SCAF8: variants seen among roughly 807,000 people sequenced by gnomAD.
SCAF8 encodes the protein SR-related and CTD-associated factor 8.
A neutral mutation model predicts 140.5 loss-of-function variants in SCAF8; 23 were observed. That is an observed-to-expected ratio of 0.16 (90% CI 0.12 to 0.23). The LOEUF is 0.23. SCAF8 is among the 10% of genes least tolerant of loss of function. The probability of loss-of-function intolerance (pLI) is 1.00; values close to 1 mark genes in which losing one functional copy is unlikely to be tolerated. For missense variants in SCAF8, 1,397 were observed against 1,555.7 expected (o/e 0.90, Z 1.72); for synonymous variants, 575 against 528.9 (o/e 1.09, Z -1.20).
rs571720419 is a variant in SCAF8, at chr6:154,789,032, A to G, written c.321+1010A>G. ...CCTTTATATTGAGTATAACAAGATTAAGTAGTTATTTTTCATAACTATTAT... is the reference window on the plus strand; with the variant it reads ...CCTTTATATTGAGTATAACAAGATTGAGTAGTTATTTTTCATAACTATTAT... On this transcript the variant is annotated intron_variant, in intron 4 of 19. Coordinates refer to ENST00000367178, the MANE Select transcript of SCAF8 (RefSeq NM_014892.5). Among the ~76,000 whole-genome samples the G allele has an allele frequency of 3.9e-5, 6 of 152,204 alleles. 1 individual carries two copies. The highest frequency in any genetic ancestry group is 1.3e-4 in the Admixed American group (2 of 15,270).
chr6:154,733,652 G>A lies in SCAF8; in HGVS notation c.-249G>A. On this transcript the variant is annotated 5_prime_UTR_variant, in exon 1 of 20. Coordinates refer to ENST00000367178, the MANE Select transcript of SCAF8 (RefSeq NM_014892.5). ...CCCCCGCCCGCCGCCGACCCGCCCC[G>A]GCAGCGCCTCTGTTCCCTAGAACGG... 6.1e-6 allele frequency: 4 copies of A among 654,156 alleles called. No homozygotes were observed. The highest frequency in any genetic ancestry group is 7.7e-6 in the Non-Finnish European group (4 of 522,372). The allele number at this position is 654,156 out of a possible 1,614,324, so 40.5% of individuals were successfully genotyped here. A position where few individuals can be genotyped will look rare whatever the true frequency, so the allele number is the denominator to read the frequency against.
intron 16 of SCAF8, among the ~76,000 whole-genome samples, chr6:154,823,312 A>C (rs2114679897): frequency 6.6e-6 from 1 of 152,316 alleles, no homozygotes; most frequent in Middle Eastern, 3.4e-3. Flanking sequence ...GTTTTAAAGG[A>C]TTGCACTGGT....
chr6:154,796,091 A>T (rs1583043167), intron 6 of SCAF8, among the ~76,000 whole-genome samples: 1 of 152,092 alleles, frequency 6.6e-6, no homozygotes, highest in Non-Finnish European at 1.5e-5. Flanking sequence ...AATGTATTGC[A>T]CTAAGTTATG....
At chr6:154,782,531 T>C (rs1777114958) in intron 3 of SCAF8, among the ~76,000 whole-genome samples, 1 of 152,174 alleles carries the variant, frequency 6.6e-6, no homozygotes, top group South Asian at 2.1e-4. Flanking sequence ...CTTGTTATGA[T>C]CCTGTGTCAG....
intron 1 of SCAF8, among the ~76,000 whole-genome samples, chr6:154,762,183 A>C (rs143820110): frequency 1.3e-5 from 2 of 152,354 alleles, no homozygotes; most frequent in East Asian, 3.9e-4. Flanking sequence ...TTGTGGCTAA[A>C]AACAGCATGT....
intron 10 of SCAF8, 61 bp from the exon 11 acceptor site, chr6:154,808,625 C>G (rs1405902883): frequency 1.9e-6 from 2 of 1,037,632 alleles, no homozygotes; most frequent in African/African-American, 3.5e-5. Flanking sequence ...ACAGAATTGT[C>G]AATGTATAAC....
chr6:154,803,895 A>T (rs566980295), intron 8 of SCAF8, among the ~76,000 whole-genome samples: 3 of 152,278 alleles, frequency 2.0e-5, no homozygotes, highest in African/African-American at 7.2e-5. Context: ...ATTAGGCTTT[A>T]AGTTATTTAA....
intron 18 of SCAF8, among the ~76,000 whole-genome samples, chr6:154,830,383 A>G (rs1243914363): frequency 2.0e-5 from 3 of 152,188 alleles, no homozygotes; most frequent in Admixed American, 6.5e-5. Context: ...ATGTGTGACA[A>G]ATGCACTTAG....
At chr6:154,771,892 A>G (rs1043445152) in intron 1 of SCAF8, among the ~76,000 whole-genome samples, 12 of 152,106 alleles carry the variant, frequency 7.9e-5, no homozygotes, top group East Asian at 1.9e-4. Flanking sequence ...GTTGGGGGGG[A>G]AAAAAAGAAA....
chr6:154,770,060 G>T (rs994475351), intron 1 of SCAF8, among the ~76,000 whole-genome samples: 4 of 152,136 alleles, frequency 2.6e-5, no homozygotes, highest in Non-Finnish European at 5.9e-5. Context: ...AAAGCAGGTA[G>T]GAATAAAGGG....
chr6:154,758,335 C>G (rs553002933), intron 1 of SCAF8, among the ~76,000 whole-genome samples: 2 of 152,302 alleles, frequency 1.3e-5, no homozygotes, highest in South Asian at 4.1e-4. Context: ...GATGCGAGTT[C>G]TGTCTTGCCT....
At position 154,733,837 on chromosome 6, in the gene SCAF8, C is replaced by T. The variant is rs1008835953; in HGVS notation, c.-64C>T. On this transcript the variant is annotated 5_prime_UTR_variant, in exon 1 of 20. Transcript: ENST00000367178. ...CACGCAGCAGCCCGCGTCTCGCTCT[C>T]CCCACCCAGTGCAGTGGCCGCCGCC... The T allele has an allele frequency of 2.0e-6, 3 of 1,525,364 alleles. No homozygotes were observed. Among genetic ancestry groups the T allele is most frequent in the Non-Finnish European group, 2.6e-6 (3 of 1,142,420 alleles). The allele number at this position is 1,525,364 out of a possible 1,614,324, so 94.5% of individuals were successfully genotyped here. A position where few individuals can be genotyped will look rare whatever the true frequency, so the allele number is the denominator to read the frequency against.
At chr6:154,825,655 C>CA (rs34342159) in intron 17 of SCAF8, among the ~76,000 whole-genome samples, 5,618 of 63,988 alleles carry the variant, frequency 0.088, 744 homozygotes, top group African/African-American at 0.22. Flanking sequence ...GACCTTGTCT[C>CA]AAAAAAAAAA....
intron 1 of SCAF8, among the ~76,000 whole-genome samples, chr6:154,756,914 G>A (rs538528848): frequency 1.3e-3 from 204 of 152,196 alleles, no homozygotes; most frequent in Non-Finnish European, 2.0e-3. Context: ...TGTAGTCCCA[G>A]CTACTCGGGA....
chr6:154,782,299 C>T (rs553647060), intron 3 of SCAF8, among the ~76,000 whole-genome samples: 2 of 152,184 alleles, frequency 1.3e-5, no homozygotes, highest in East Asian at 3.9e-4. Flanking sequence ...TTCCCAGCTG[C>T]TTATGTGGGT....
intron 7 of SCAF8, among the ~76,000 whole-genome samples, chr6:154,803,176 A>T (rs1777819004): frequency 2.0e-5 from 3 of 152,186 alleles, no homozygotes. Flanking sequence ...GAAGAATAAC[A>T]GCATTCTAAG....
intron 7 of SCAF8, among the ~76,000 whole-genome samples, chr6:154,802,881 A>G (rs1777809837): frequency 6.6e-6 from 1 of 152,306 alleles, no homozygotes; most frequent in East Asian, 1.9e-4. Flanking sequence ...TACTGTAACT[A>G]TAATAAGTTG....
intron 3 of SCAF8, among the ~76,000 whole-genome samples, chr6:154,782,568 G>A (rs1187129690): frequency 6.6e-6 from 1 of 152,034 alleles, no homozygotes; most frequent in African/African-American, 2.4e-5. Flanking sequence ...AGAACTAATA[G>A]GATATGTGTA....
chr6:154,743,058 A>G (rs765798577), intron 1 of SCAF8, among the ~76,000 whole-genome samples: 1 of 151,930 alleles, frequency 6.6e-6, no homozygotes, highest in Non-Finnish European at 1.5e-5. Flanking sequence ...TCTCATTAGC[A>G]GTTTGTGTAT....
Sources: gnomAD v4.1 joint callset for allele counts (sites outside exome capture counted in the v4.1 genomes callset) on GRCh38, gnomAD v4.1.1 for gene constraint, MANE v1.5 for transcripts, NCBI Gene and HGNC (gene_info 2026-07-23, HGNC 2026-07-21) for gene names.